The following PTPRM variants were observed in gnomAD, a reference collection of about 807,000 sequenced individuals.
The protein encoded by PTPRM is protein tyrosine phosphatase receptor type M, also known as receptor-type tyrosine-protein phosphatase mu.
In PTPRM, 47 loss-of-function variants were observed where a neutral mutation model predicts 186.7. The observed-to-expected ratio is 0.25, with a 90% CI of 0.20 to 0.32. PTPRM has a LOEUF of 0.32. PTPRM is among the 10% of genes least tolerant of loss of function. The pLI is 1.00. For synonymous variants in PTPRM, 668 were observed against 674.9 expected, an observed-to-expected ratio of 0.99 and a Z score of 0.16; for missense variants, 1,494 against 1,865.0, an observed-to-expected ratio of 0.80 and a Z score of 3.66.
chr18:7,601,072 C>T (rs1014041650), intron 1 of PTPRM, among the ~76,000 whole-genome samples: 3 of 152,220 alleles, frequency 2.0e-5, no homozygotes, highest in East Asian at 1.9e-4. Context: ...GCTGCAGAAG[C>T]GGCTGGCCCA....
intron 4 of PTPRM, among the ~76,000 whole-genome samples, chr18:7,925,497 CACTAGTTTGTAATCTTTTGCT>C (rs1310868275): frequency 1.3e-5 from 2 of 152,118 alleles, no homozygotes; most frequent in African/African-American, 4.8e-5. Flanking sequence ...CTAATATGAG[CACTAGTTTGTAATCTTTTGCT>C]ACCCAGTAGT....
rs545519862 is a variant in PTPRM, at chr18:8,240,684, A to G, written c.2301-3374A>G. 8.4e-3 allele frequency among the ~76,000 whole-genome samples: 796 copies of G among 95,212 alleles called. 64 individuals carry two copies. The highest frequency in any genetic ancestry group is 0.036 in the African/African-American group (754 of 21,118). The allele number at this position is 95,212 out of a possible 152,430, so 62.5% of individuals were successfully genotyped here. A position where few individuals can be genotyped will look rare whatever the true frequency, so the allele number is the denominator to read the frequency against. Reference sequence around the variant, plus strand: ...AAGAAAGAAAGAAAGAAAGAAAAAGAAAGAGAGAAAGAGAGAAAGAAAGAA... The same window carrying G: ...AAGAAAGAAAGAAAGAAAGAAAAAGGAAGAGAGAAAGAGAGAAAGAAAGAA... On this transcript the variant is annotated intron_variant, in intron 14 of 32. Transcript: ENST00000580170.
intron 19 of PTPRM, among the ~76,000 whole-genome samples, chr18:8,274,337 A>G (rs948625108): frequency 6.6e-6 from 1 of 152,210 alleles, no homozygotes; most frequent in Non-Finnish European, 1.5e-5. Context: ...GTGTTTGAGT[A>G]CTAGCTATGA....
At chr18:8,366,616 C>T (rs1228708939) in intron 23 of PTPRM, among the ~76,000 whole-genome samples, 1 of 152,148 alleles carries the variant, frequency 6.6e-6, no homozygotes, top group Non-Finnish European at 1.5e-5. Context: ...AGTTAGAAAT[C>T]CTGGAGTTAT....
At chr18:7,901,872 A>G (rs2049708374) in intron 3 of PTPRM, among the ~76,000 whole-genome samples, 1 of 152,244 alleles carries the variant, frequency 6.6e-6, no homozygotes, top group Non-Finnish European at 1.5e-5. Flanking sequence ...AAACAGTTGC[A>G]TACTAAGTTG....
At chr18:7,623,688 A>C (rs564557041) in intron 1 of PTPRM, among the ~76,000 whole-genome samples, 48 of 151,958 alleles carry the variant, frequency 3.2e-4, no homozygotes, top group Admixed American at 2.0e-4. Context: ...TGCATTTTTT[A>C]TGAGGCTTAA....
At chr18:7,709,904 T>C (rs1192825089) in intron 1 of PTPRM, among the ~76,000 whole-genome samples, 3 of 152,048 alleles carry the variant, frequency 2.0e-5, no homozygotes, top group Non-Finnish European at 2.9e-5. Flanking sequence ...AGTAAATCAG[T>C]AATAAAAAAA....
chr18:8,038,380 ATTTT>A (rs10708528), intron 7 of PTPRM, among the ~76,000 whole-genome samples: 1 of 124,376 alleles, frequency 8.0e-6, no homozygotes, highest in Admixed American at 8.4e-5. Context: ...TAGCTTTTAG[ATTTT>A]TTTTTTTTTT....
chr18:7,738,676 C>T (rs1252925901), intron 1 of PTPRM, among the ~76,000 whole-genome samples: 2 of 151,584 alleles, frequency 1.3e-5, no homozygotes, highest in African/African-American at 2.4e-5. Context: ...CTCCTGACCT[C>T]GAGATCCACC....
intron 14 of PTPRM, among the ~76,000 whole-genome samples, chr18:8,172,456 A>G (rs1161329069): frequency 6.6e-6 from 1 of 152,050 alleles, no homozygotes; most frequent in Admixed American, 6.6e-5. Context: ...GTTCCTCAAT[A>G]GTCCAAGGAA....
At chr18:7,767,822 C>G (rs962930455) in intron 1 of PTPRM, among the ~76,000 whole-genome samples, 13 of 152,076 alleles carry the variant, frequency 8.5e-5, no homozygotes, top group Non-Finnish European at 1.6e-4. Flanking sequence ...GAAAAATGAA[C>G]AAGTTCGTTG....
intron 7 of PTPRM, among the ~76,000 whole-genome samples, chr18:7,964,203 T>C (rs1451581276): frequency 1.3e-5 from 2 of 152,204 alleles, no homozygotes; most frequent in African/African-American, 4.8e-5. Flanking sequence ...TGCATACGTA[T>C]GTGTTTTAAA....
At chr18:7,734,100 G>A (rs193050854) in intron 1 of PTPRM, among the ~76,000 whole-genome samples, 11 of 152,262 alleles carry the variant, frequency 7.2e-5, no homozygotes, top group Middle Eastern at 6.8e-3. Flanking sequence ...AAGTAAAGCT[G>A]GCACACATCA....
At chr18:8,202,840 C>T (rs988478906) in intron 14 of PTPRM, among the ~76,000 whole-genome samples, 8 of 152,048 alleles carry the variant, frequency 5.3e-5, no homozygotes, top group Non-Finnish European at 8.8e-5. Flanking sequence ...GGCCGGTAGA[C>T]GTTTCTTTCT....
At chr18:7,675,975 G>A (rs966200299) in intron 1 of PTPRM, among the ~76,000 whole-genome samples, 1 of 152,096 alleles carries the variant, frequency 6.6e-6, no homozygotes, top group African/African-American at 2.4e-5. Context: ...GATCTCAGGT[G>A]ATCTGCCCGC....
chr18:8,355,483 T>G (rs1022368990), intron 23 of PTPRM, among the ~76,000 whole-genome samples: 1 of 152,074 alleles, frequency 6.6e-6, no homozygotes, highest in African/African-American at 2.4e-5. Flanking sequence ...ACTGAGGCCT[T>G]GTCATGGATA....
intron 23 of PTPRM, among the ~76,000 whole-genome samples, chr18:8,358,185 T>C (rs2095574418): frequency 6.6e-6 from 1 of 151,510 alleles, no homozygotes; most frequent in African/African-American, 2.4e-5. Context: ...ACTAGATCTC[T>C]TTTACAATTT....
chr18:7,809,149 A>G (rs2044379607), intron 2 of PTPRM, among the ~76,000 whole-genome samples: 1 of 152,156 alleles, frequency 6.6e-6, no homozygotes, highest in African/African-American at 2.4e-5. Context: ...TGAGGCTTCT[A>G]GCCTGGCTTT....
intron 14 of PTPRM, among the ~76,000 whole-genome samples, chr18:8,242,529 G>A (rs2094441861): frequency 6.6e-6 from 1 of 152,188 alleles, no homozygotes; most frequent in Admixed American, 6.5e-5. Flanking sequence ...GAGAGGGGTG[G>A]TGTCAGTGCC....
Sources: allele counts gnomAD v4.1 joint callset (sites outside exome capture counted in the v4.1 genomes callset), GRCh38; gene constraint gnomAD v4.1.1; transcripts MANE v1.5; gene names NCBI Gene and HGNC (gene_info 2026-07-23, HGNC 2026-07-21).